XDH: variants seen among roughly 807,000 people sequenced by gnomAD.
XDH encodes xanthine dehydrogenase/oxidase.
XDH carries 138 observed loss-of-function variants against 156.1 expected under a neutral mutation model. The observed-to-expected ratio is 0.88, with a 90% CI of 0.77 to 1.02. XDH has a LOEUF of 1.02. Ranked by LOEUF, XDH falls within the 50% of genes least tolerant of loss-of-function variation. The pLI, the probability that XDH is intolerant of heterozygous loss-of-function variation, is 0.00. For missense variants in XDH, 1,849 were observed against 1,684.9 expected, an observed-to-expected ratio of 1.10 and a Z score of -1.71; for synonymous variants, 669 against 625.7, an observed-to-expected ratio of 1.07 and a Z score of -1.03.
At chr2:31,373,289 C>T (rs958173379) in intron 16 of XDH, among the ~76,000 whole-genome samples, 2 of 152,186 alleles carry the variant, frequency 1.3e-5, no homozygotes, top group African/African-American at 2.4e-5. Context: ...CTCTAGTGTG[C>T]AGGGGGCAGT....
chr2:31,339,435 G>T (rs1162263847), intron 34 of XDH, 54 bp downstream of exon 34: 8 of 1,611,294 alleles, frequency 5.0e-6, no homozygotes. Context: ...TCACCCGCTG[G>T]GGCCTCCCCC....
intron 24 of XDH, among the ~76,000 whole-genome samples, chr2:31,361,370 C>T (rs1322937149): frequency 1.3e-5 from 2 of 152,202 alleles, no homozygotes; most frequent in African/African-American, 2.4e-5. Flanking sequence ...TATTTATCTC[C>T]AGCTTCAGTT....
rs371877914 is a variant in XDH at position 31,370,476 on chromosome 2, G to C, written c.1859C>G (p.Ser620Cys). Reference protein sequence around the residue: ...TSTRAHAKIKSIDTSEAKKVP... With the variant: ...TSTRAHAKIKCIDTSEAKKVP... ...CTTCTTAGCTTCTGATGTATCTATGGACCTGCAAGAATGAGTGGTGTGAGG... is the reference window on the plus strand; with the variant it reads ...CTTCTTAGCTTCTGATGTATCTATGCACCTGCAAGAATGAGTGGTGTGAGG... Residue 620 changes from serine to cysteine, a missense_variant and splice_region_variant, in exon 18 of 36, where the codon TCC becomes TGC. Transcript: ENST00000379416. The C allele has an allele frequency of 3.5e-5, 57 of 1,613,996 alleles. No homozygotes were observed. Among genetic ancestry groups the C allele is most frequent in the Non-Finnish European group, 4.2e-5 (50 of 1,180,006 alleles).
At chr2:31,361,031 G>T (rs1216060492) in intron 24 of XDH, among the ~76,000 whole-genome samples, 1 of 152,190 alleles carries the variant, frequency 6.6e-6, no homozygotes, top group Non-Finnish European at 1.5e-5. Flanking sequence ...ATATTCAGAG[G>T]TATAGTTTTG....
intron 17 of XDH, among the ~76,000 whole-genome samples, chr2:31,371,868 AG>A (rs1686081118): frequency 6.6e-6 from 1 of 152,158 alleles, no homozygotes; most frequent in African/African-American, 2.4e-5. Flanking sequence ...TCTGCTCAGC[AG>A]GGTATGTGTC....
In XDH at chr2:31,413,592, T is replaced by A. The variant is rs556374181; in HGVS notation, c.42+1033A>T. Among the ~76,000 whole-genome samples, 4 of 152,354 alleles carry A rather than the reference T, an allele frequency of 2.6e-5. No homozygotes were observed. The East Asian group carries it at 7.7e-4, about 29-fold the overall frequency. ...CCTAGGAGTCCAGTGAAGCACATTA[T>A]TGTTCTTGAAAATTATACCAAAAGT... is the stretch of plus-strand genomic sequence containing the variant. On this transcript the variant is annotated intron_variant, in intron 1 of 35. Coordinates refer to ENST00000379416, the MANE Select transcript of XDH (RefSeq NM_000379.4).
intron 7 of XDH, 53 bp from the exon 8 acceptor site, chr2:31,387,950 C>G: frequency 1.3e-6 from 2 of 1,523,586 alleles, no homozygotes; most frequent in African/African-American, 1.4e-5. Context: ...TTTCAAACAC[C>G]CAAGAGGACC....
chr2:31,337,133 C>A (rs1280264856), intron 35 of XDH, among the ~76,000 whole-genome samples: 2 of 152,054 alleles, frequency 1.3e-5, no homozygotes, highest in Non-Finnish European at 2.9e-5. Flanking sequence ...TCTGGTTTCC[C>A]AAGGTTGCAA....
At position 31,347,593 on chromosome 2, in the gene XDH, T is replaced by A; in HGVS notation, c.3205A>T (p.Thr1069Ser). 1 of 1,614,136 alleles carries A rather than the reference T, an allele frequency of 6.2e-7. No individual in the cohort carries two copies. The highest frequency in any genetic ancestry group is 8.5e-7 in the Non-Finnish European group (1 of 1,180,020). ...GGAGAGGTGTTGGGCACAGTGTTAG[T>A]GCTTGTCTCGCTGATATAAATCTTA... is the stretch of plus-strand genomic sequence containing the variant. ...TSKIYISETS[T>S]NTVPNTSPTA... The change falls in exon 29 of 36, where the codon ACT becomes TCT. Residue 1069 changes from threonine (T) to serine (S), a missense_variant. Thr to Ser is a moderately conservative substitution (Grantham distance 58). Coordinates refer to ENST00000379416, the MANE Select transcript of XDH (RefSeq NM_000379.4).
At chr2:31,393,073 G>A (rs1438373178) in intron 6 of XDH, among the ~76,000 whole-genome samples, 1 of 152,194 alleles carries the variant, frequency 6.6e-6, no homozygotes, top group African/African-American at 2.4e-5. Context: ...CTAGGTGAAT[G>A]CTCCACGTGA....
chr2:31,337,728 A>G lies in XDH; in HGVS notation c.3864T>C (p.Gly1288=), dbSNP rs148477626. 9.7e-4 allele frequency: 1,569 copies of G among 1,614,096 alleles called. 1 individual carries two copies. The highest frequency in any genetic ancestry group is 1.3e-3 in the Non-Finnish European group (1,501 of 1,180,028). ...AIRAARAQHT[G]NNVKELFRLD... ...GCCGGAAGAGTTCCTTCACGTTATT[A>G]CCTGTGTGCTGAGCTCGAGCTGCAC... The change falls in exon 35 of 36, where the codon GGT becomes GGC. Residue 1288 remains glycine (G), a synonymous_variant. Coordinates refer to ENST00000379416, the MANE Select transcript of XDH (RefSeq NM_000379.4).
intron 13 of XDH, 133 bp downstream of exon 13, chr2:31,379,734 A>T: frequency 1.1e-6 from 1 of 931,986 alleles, no homozygotes; most frequent in Non-Finnish European, 1.7e-6. Context: ...GGCAAAGTTC[A>T]GAGAGAAAAA....
At position 31,341,348 on chromosome 2, in the gene XDH, G is replaced by T; in HGVS notation, c.3566C>A (p.Pro1189His). 1 of 1,577,330 alleles carries T rather than the reference G, an allele frequency of 6.3e-7. No individual in the cohort carries two copies. The highest frequency in any genetic ancestry group is 2.3e-5 in the East Asian group (1 of 43,768). Residue 1189 changes from proline (P) to histidine (H), a missense_variant, in exon 33 of 36, where the codon CCT (proline) becomes CAT (histidine). Transcript: ENST00000379416. Reference sequence around the variant, plus strand: ...CCTCACCTGTCCAATATCAATGGCAGGGTTTAGACTGGAGCCAACATCCAT... The same window carrying T: ...CCTCACCTGTCCAATATCAATGGCATGGTTTAGACTGGAGCCAACATCCAT... ...IVMDVGSSLN[P>H]AIDIGQVEGA...
intron 16 of XDH, among the ~76,000 whole-genome samples, chr2:31,373,045 C>T (rs1232794748): frequency 3.9e-5 from 6 of 152,058 alleles, no homozygotes; most frequent in Non-Finnish European, 8.8e-5. Flanking sequence ...GAGTGTTTCA[C>T]CATATCCCAG....
Position 31,335,870 on chromosome 2 carries a change from T to G in XDH, c.*88A>C. The G allele has an allele frequency of 1.4e-6, 2 of 1,464,784 alleles. No homozygotes were observed. The highest frequency in any genetic ancestry group is 1.9e-6 in the Non-Finnish European group (2 of 1,044,272). 90.7% of individuals were successfully genotyped at this position (1,464,784 alleles called of 1,614,324 possible). On this transcript the variant is annotated 3_prime_UTR_variant, in exon 36 of 36. Transcript: ENST00000379416. ...AATCACAGGTCTGTCATTCTGTGAC[T>G]TTAATAGATCCATGTTCTGTGGTAT...
intron 34 of XDH, among the ~76,000 whole-genome samples, chr2:31,338,639 T>C (rs1191389086): frequency 6.6e-6 from 1 of 152,116 alleles, no homozygotes; most frequent in Non-Finnish European, 1.5e-5. Flanking sequence ...CTAAATCAAT[T>C]TTCAACCATT....
In XDH at chr2:31,342,223, C is replaced by A; in HGVS notation, c.3479G>T (p.Cys1160Phe). Residue 1160 changes from cysteine (C) to phenylalanine (F), a missense_variant, in exon 32 of 36, where the codon TGC becomes TTC. Coordinates refer to ENST00000379416, the MANE Select transcript of XDH (RefSeq NM_000379.4). ...PFHYFSYGVA[C>F]SEVEIDCLTG... Reference sequence around the variant, plus strand: ...TAGGCAGTCGATTTCTACTTCAGAGCAAGCCACCCCATAGCTGAAGTAGTG... The same window carrying A: ...TAGGCAGTCGATTTCTACTTCAGAGAAAGCCACCCCATAGCTGAAGTAGTG... 2.5e-6 allele frequency: 4 copies of A among 1,614,138 alleles called. No individual in the cohort carries two copies. The highest frequency in any genetic ancestry group is 3.4e-6 in the Non-Finnish European group (4 of 1,180,004).
chr2:31,386,504 T>TCA lies in XDH; in HGVS notation c.701_702dup (p.Thr235Ter). ...TTGAGGGTTGAGGCCTGTATCCACG[T>TCA]CACACGCTCCCCTTCAAATCGCAGC... On this transcript the variant is annotated frameshift_variant, in exon 9 of 36. Coordinates refer to ENST00000379416, the MANE Select transcript of XDH (RefSeq NM_000379.4). LOFTEE classifies it high-confidence loss of function. 2 of 1,614,158 alleles carry TCA rather than the reference T, an allele frequency of 1.2e-6. No homozygotes were observed. The highest frequency in any genetic ancestry group is 1.7e-6 in the Non-Finnish European group (2 of 1,180,026).
rs1022703203 is a variant in XDH, at chr2:31,414,509, GAC to G, written c.42+114_42+115del. ...ACACCTTTAAAGCGAGAGAGAGAAA[GAC>G]AGAACAAGTAAGAGGGGACAGGAAA... On this transcript the variant is annotated intron_variant, in intron 1 of 35. Transcript: ENST00000379416. 1.9e-5 allele frequency: 28 copies of G among 1,447,582 alleles called. No individual in the cohort carries two copies. In the African/African-American group the frequency reaches 3.8e-4, roughly 20 times the overall value. The allele number at this position is 1,447,582 out of a possible 1,614,324, so 89.7% of individuals were successfully genotyped here.
Sources: gnomAD v4.1 joint callset for allele counts (sites outside exome capture counted in the v4.1 genomes callset) on GRCh38, gnomAD v4.1.1 for gene constraint, MANE v1.5 for transcripts, NCBI Gene and HGNC (gene_info 2026-07-23, HGNC 2026-07-21) for gene names.